EZH1: variants seen among roughly 807,000 people sequenced by gnomAD.
EZH1 encodes enhancer of zeste 1 polycomb repressive complex 2 subunit.
A neutral mutation model predicts 100.5 loss-of-function variants in EZH1; 33 were observed. The ratio of observed to expected loss-of-function variants is 0.33; its 90% CI spans 0.25 to 0.44. The LOEUF is 0.44. Among genes scored for constraint, EZH1 ranks in the 20% least tolerant of loss-of-function variants. The pLI is 1.00. For missense variants in EZH1, 475 were observed against 928.4 expected (o/e 0.51, Z 6.35); for synonymous variants, 272 against 313.8 (o/e 0.87, Z 1.41).
Position 42,700,610 on chromosome 17 carries a change from C to T in EZH1, c.*1922G>A, listed in dbSNP as rs2053222180. 2.0e-5 allele frequency: 3 copies of T among 152,324 alleles called. No homozygotes were observed. Among genetic ancestry groups the T allele is most frequent in the South Asian group, 4.1e-4 (2 of 4,826 alleles). 9.4% of individuals were successfully genotyped at this position (152,324 alleles called of 1,614,324 possible). On this transcript the variant is annotated 3_prime_UTR_variant, in exon 21 of 21. Transcript: ENST00000428826. Reference sequence around the variant, plus strand: ...TTTTCACCTATTCCTCACAGCGAGCCCCTGGCATTTCAAATAGACCTAACT... The same window carrying T: ...TTTTCACCTATTCCTCACAGCGAGCTCCTGGCATTTCAAATAGACCTAACT...
intron 4 of EZH1, among the ~76,000 whole-genome samples, chr17:42,725,882 TTC>T (rs2053809340): frequency 6.6e-6 from 1 of 152,090 alleles, no homozygotes; most frequent in Non-Finnish European, 1.5e-5. Context: ...CTATCTGCTT[TTC>T]GTTTTTTGTT....
intron 5 of EZH1, among the ~76,000 whole-genome samples, chr17:42,724,092 T>G (rs1198649106): frequency 6.6e-6 from 1 of 152,172 alleles, no homozygotes; most frequent in Non-Finnish European, 1.5e-5. Flanking sequence ...CCAGCATCAA[T>G]TCCAAAGCAC....
chr17:42,716,921 C>T (rs1156754312), intron 10 of EZH1, among the ~76,000 whole-genome samples: 1 of 152,126 alleles, frequency 6.6e-6, no homozygotes, highest in African/African-American at 2.4e-5. Flanking sequence ...TGGTCTCAAA[C>T]TCCTGACCTC....
intron 1 of EZH1, among the ~76,000 whole-genome samples, chr17:42,743,794 C>T (rs552136455): frequency 2.6e-5 from 4 of 152,234 alleles, no homozygotes; most frequent in Admixed American, 2.6e-4. Flanking sequence ...CACACACTCT[C>T]TCCTATGTAA....
chr17:42,741,500 A>G (rs527773853), intron 1 of EZH1, among the ~76,000 whole-genome samples: 1 of 152,262 alleles, frequency 6.6e-6, no homozygotes, highest in Non-Finnish European at 1.5e-5. Context: ...GTGAGCCACA[A>G]CGTGGGGGGC....
intron 10 of EZH1, among the ~76,000 whole-genome samples, chr17:42,717,597 T>A (rs909606152): frequency 2.0e-5 from 3 of 152,168 alleles, no homozygotes; most frequent in Admixed American, 2.0e-4. Context: ...GACATCAGCA[T>A]CATCACGTGC....
At chr17:42,724,582 G>T in intron 4 of EZH1, 158 bp from the exon 5 acceptor site, 1 of 685,026 alleles carries the variant, frequency 1.5e-6, no homozygotes, top group South Asian at 1.8e-5. Context: ...GTCAGTTGGA[G>T]ACCAGCCAGG....
At chr17:42,724,553 G>T in intron 4 of EZH1, 129 bp from the exon 5 acceptor site, 1 of 1,060,658 alleles carries the variant, frequency 9.4e-7, no homozygotes, top group Non-Finnish European at 1.3e-6. Context: ...GGGAGGCCAA[G>T]ACAGGCAGAT....
intron 4 of EZH1, 61 bp from the exon 5 acceptor site, chr17:42,724,485 T>G (rs958861363): frequency 1.9e-6 from 3 of 1,588,000 alleles, no homozygotes; most frequent in Admixed American, 1.7e-5. Context: ...GAAAGAAATG[T>G]AATTTCCTTC....
In EZH1 at chr17:42,702,198, T is replaced by C. The variant is rs1382264720; in HGVS notation, c.*334A>G. On this transcript the variant is annotated 3_prime_UTR_variant, in exon 21 of 21. Transcript: ENST00000428826. ...TAGCGCTTGTTGGGAACTGCCTAAG[T>C]TGATTCCTGAGGCCACAGCCTGGGG... 4 of 267,144 alleles carry C rather than the reference T, an allele frequency of 1.5e-5. No homozygotes were observed. Among genetic ancestry groups the C allele is most frequent in the Non-Finnish European group, 2.9e-5 (4 of 139,792 alleles). The allele number at this position is 267,144 out of a possible 1,614,324, so 16.5% of individuals were successfully genotyped here.
At chr17:42,744,936 C>T in intron 1 of EZH1, 75 bp downstream of exon 1, 1 of 1,243,026 alleles carries the variant, frequency 8.0e-7, no homozygotes, top group Non-Finnish European at 1.0e-6. Context: ...TCCGCCTCTC[C>T]CTCCCTCAGG....
Position 42,723,630 on chromosome 17 carries a change from AT to A in EZH1, c.366+674del, listed in dbSNP as rs2053761169. Among the ~76,000 whole-genome samples the A allele has an allele frequency of 2.0e-5, 3 of 152,180 alleles. No homozygotes were observed. The South Asian group carries it at 6.2e-4, about 31-fold the overall frequency. On this transcript the variant is annotated intron_variant, in intron 5 of 20. Coordinates refer to ENST00000428826, the MANE Select transcript of EZH1 (RefSeq NM_001991.5). ...TTCTGGCAATAAACAATAGTAAATA[AT>A]TTTGGGGGAGTGGGGTGCTCAGCAG...
intron 12 of EZH1, among the ~76,000 whole-genome samples, chr17:42,710,710 T>C (rs141790698): frequency 1.8e-3 from 275 of 150,138 alleles, no homozygotes; most frequent in Middle Eastern, 3.4e-3. Context: ...TAGCTCAATG[T>C]AGTATAGAAC....
Position 42,709,931 on chromosome 17 carries a change from G to GA in EZH1, c.1407dup (p.Gln470SerfsTer16), listed in dbSNP as rs1327260958. On this transcript the variant is annotated frameshift_variant, in exon 13 of 21. Coordinates refer to ENST00000428826, the MANE Select transcript of EZH1 (RefSeq NM_001991.5). LOFTEE classifies it high-confidence loss of function. ...ATAAGTGATTCTTTGACTGCAAACT[G>GA]AAAGACCTGGAAGAGAAATCCAACG... The GA allele has an allele frequency of 6.2e-7, 1 of 1,614,124 alleles. No individual in the cohort carries two copies. Among genetic ancestry groups the GA allele is most frequent in the Non-Finnish European group, 8.5e-7 (1 of 1,179,980 alleles).
At chr17:42,713,504 T>TAATAAG in intron 10 of EZH1, 115 bp from the exon 11 acceptor site, 3 of 961,956 alleles carry the variant, frequency 3.1e-6, no homozygotes, top group Non-Finnish European at 4.3e-6. Flanking sequence ...GTCTTTTCTT[T>TAATAAG]TTCTCTGTAC....
At chr17:42,705,308 G>A in intron 16 of EZH1, 125 bp from the exon 17 acceptor site, 1 of 576,918 alleles carries the variant, frequency 1.7e-6, no homozygotes, top group Non-Finnish European at 3.1e-6. Flanking sequence ...GGATCTGAAA[G>A]CAGAAAAAGG....
intron 3 of EZH1, 62 bp downstream of exon 3, chr17:42,728,763 C>A (rs1185013880): frequency 6.6e-7 from 1 of 1,506,138 alleles, no homozygotes; most frequent in Non-Finnish European, 8.9e-7. Flanking sequence ...AAAATTCCAA[C>A]CCCTTTACAC....
In EZH1 at chr17:42,718,581, T is replaced by C; in HGVS notation, c.804A>G (p.Ala268=). 1 of 1,614,144 alleles carries C rather than the reference T, an allele frequency of 6.2e-7. No individual in the cohort carries two copies. Among genetic ancestry groups the C allele is most frequent in the Admixed American group, 1.7e-5 (1 of 60,002 alleles). The part of the protein sequence containing the change: ...RELTEMSDPN[A]LPPQCTPNID... Reference sequence around the variant, plus strand: ...TGTTGGGTGTGCACTGAGGGGGAAGTGCATTGGGGTCTGACATCTCTGTTA... The same window carrying C: ...TGTTGGGTGTGCACTGAGGGGGAAGCGCATTGGGGTCTGACATCTCTGTTA... Residue 268 remains alanine, a synonymous_variant, in exon 9 of 21, where the codon GCA becomes GCG. Transcript: ENST00000428826. The surrounding 1 kb of genome is among the most constrained non-coding windows in gnomAD (Gnocchi z 4.2).
At chr17:42,708,279 G>T in intron 14 of EZH1, 196 bp from the exon 15 acceptor site, 1 of 547,986 alleles carries the variant, frequency 1.8e-6, no homozygotes, top group Non-Finnish European at 3.1e-6. Context: ...TTGTGGGGAG[G>T]GTGTGGAGAT....
Sources: allele counts gnomAD v4.1 joint callset (sites outside exome capture counted in the v4.1 genomes callset), GRCh38; gene constraint gnomAD v4.1.1; non-coding constraint Gnocchi (gnomAD v3.1); transcripts MANE v1.5; gene names NCBI Gene and HGNC (gene_info 2026-07-23, HGNC 2026-07-21).